FANK1: variants seen among roughly 807,000 people sequenced by gnomAD.
The protein encoded by FANK1 is fibronectin type 3 and ankyrin repeat domains protein 1.
Under a neutral mutation model 45.3 loss-of-function variants are expected in FANK1, and 44 were observed. The ratio of observed to expected loss-of-function variants is 0.97; its 90% CI spans 0.76 to 1.25. The LOEUF (loss-of-function observed/expected upper bound fraction) is 1.25, where lower values mean the gene tolerates loss of function less well. FANK1 is among the 50% of genes most tolerant of loss of function. The probability of loss-of-function intolerance (pLI) is 0.00; values close to 1 mark genes in which losing one functional copy is unlikely to be tolerated. For missense variants in FANK1, 391 were observed against 424.4 expected, an observed-to-expected ratio of 0.92 and a Z score of 0.69; for synonymous variants, 149 against 152.5, an observed-to-expected ratio of 0.98 and a Z score of 0.17.
intron 1 of FANK1, among the ~76,000 whole-genome samples, chr10:125,930,395 G>A (rs983490679): frequency 3.3e-5 from 5 of 151,966 alleles, no homozygotes; most frequent in Non-Finnish European, 7.4e-5. Flanking sequence ...GGAGTGCAGT[G>A]GCATGATCAT....
At chr10:125,991,655 G>A (rs922934068) in intron 3 of FANK1, among the ~76,000 whole-genome samples, 12 of 152,054 alleles carry the variant, frequency 7.9e-5, no homozygotes, top group African/African-American at 2.9e-4. Context: ...TTCCCCCCAG[G>A]TAAAGTACAC....
At chr10:125,967,455 A>T (rs570650692) in intron 1 of FANK1, among the ~76,000 whole-genome samples, 31 of 152,360 alleles carry the variant, frequency 2.0e-4, no homozygotes, top group Non-Finnish European at 4.0e-4. Flanking sequence ...AAACTTAGCT[A>T]TTAAATAACC....
intron 1 of FANK1, among the ~76,000 whole-genome samples, chr10:125,898,306 T>C (rs1046153853): frequency 5.3e-5 from 8 of 152,230 alleles, no homozygotes; most frequent in African/African-American, 1.7e-4. Flanking sequence ...GTGCCTGTTA[T>C]GTTGCAGCTC....
intron 1 of FANK1, among the ~76,000 whole-genome samples, chr10:125,937,761 CA>C (rs1466480390): frequency 6.6e-6 from 1 of 151,818 alleles, no homozygotes; most frequent in Non-Finnish European, 1.5e-5. Flanking sequence ...AAAAAATAAG[CA>C]AAAGGATAAA....
intron 1 of FANK1, among the ~76,000 whole-genome samples, chr10:125,918,077 C>T (rs1345979605): frequency 7.4e-6 from 1 of 135,174 alleles, no homozygotes; most frequent in Non-Finnish European, 1.6e-5. Context: ...GAGACCCTGT[C>T]AGAAAAAAGA....
At chr10:125,974,630 C>G (rs1401249444) in intron 1 of FANK1, among the ~76,000 whole-genome samples, 1 of 152,174 alleles carries the variant, frequency 6.6e-6, no homozygotes, top group Non-Finnish European at 1.5e-5. Flanking sequence ...TTTTTCTTTG[C>G]ACCTTGATTT....
chr10:125,924,107 C>G (rs1947145984), intron 1 of FANK1, among the ~76,000 whole-genome samples: 1 of 152,084 alleles, frequency 6.6e-6, no homozygotes, highest in Admixed American at 6.6e-5. Flanking sequence ...CAGAATGAGA[C>G]CCTATCTGAA....
At chr10:125,954,400 C>T (rs1019150190) in intron 1 of FANK1, among the ~76,000 whole-genome samples, 6 of 152,148 alleles carry the variant, frequency 3.9e-5, no homozygotes, top group Admixed American at 2.6e-4. Flanking sequence ...TTGTAGATCC[C>T]AAACACTTGG....
chr10:125,906,934 A>G (rs1945574880), intron 1 of FANK1, among the ~76,000 whole-genome samples: 1 of 152,210 alleles, frequency 6.6e-6, no homozygotes, highest in Non-Finnish European at 1.5e-5. Context: ...AGGTACAAAG[A>G]GTGCCTGAAT....
rs956350258 is a variant in FANK1, at chr10:125,934,428, G to C, written c.13+37773G>C. On this transcript the variant is annotated intron_variant, in intron 1 of 10. Coordinates refer to ENST00000368693, the MANE Select transcript of FANK1 (RefSeq NM_145235.5). ...GCACTGGCTGAGGGCTGAGCTGAGCGTGGCTCCAAGGGAATCCAGCCTTGG... is the reference window on the plus strand; with the variant it reads ...GCACTGGCTGAGGGCTGAGCTGAGCCTGGCTCCAAGGGAATCCAGCCTTGG... Among the ~76,000 whole-genome samples, 3 of 152,070 alleles carry C rather than the reference G, an allele frequency of 2.0e-5. No homozygotes were observed. The South Asian group carries it at 6.2e-4, about 32-fold the overall frequency.
chr10:125,971,814 G>A (rs1430367557), intron 1 of FANK1, among the ~76,000 whole-genome samples: 4 of 152,044 alleles, frequency 2.6e-5, no homozygotes, highest in East Asian at 1.9e-4. Flanking sequence ...AGTAGAGACA[G>A]GGTTTCACCA....
intron 1 of FANK1, among the ~76,000 whole-genome samples, chr10:125,938,066 A>G (rs1483498376): frequency 6.6e-6 from 1 of 152,200 alleles, no homozygotes; most frequent in Non-Finnish European, 1.5e-5. Flanking sequence ...TTATTGGTAT[A>G]TATATTCTAA....
At chr10:126,002,782 T>TC (rs1952869407) in intron 6 of FANK1, among the ~76,000 whole-genome samples, 1 of 151,230 alleles carries the variant, frequency 6.6e-6, no homozygotes, top group Non-Finnish European at 1.5e-5. Context: ...TTTTTTTTTT[T>TC]TCATTCTTGC....
chr10:125,967,441 G>C (rs1950253415), intron 1 of FANK1, among the ~76,000 whole-genome samples: 1 of 152,180 alleles, frequency 6.6e-6, no homozygotes, highest in Non-Finnish European at 1.5e-5. Context: ...ACAAAGTCTT[G>C]TGAAAACTTA....
At chr10:125,921,614 G>A (rs1946951237) in intron 1 of FANK1, among the ~76,000 whole-genome samples, 1 of 152,112 alleles carries the variant, frequency 6.6e-6, no homozygotes, top group Non-Finnish European at 1.5e-5. Context: ...CCAAAGTGCT[G>A]TGCCACTTCT....
intron 1 of FANK1, among the ~76,000 whole-genome samples, chr10:125,918,585 AATATATAT>A (rs1197525883): frequency 6.9e-4 from 49 of 70,962 alleles, no homozygotes; most frequent in African/African-American, 1.4e-3. Flanking sequence ...AAAAAAAAAA[AATATATAT>A]ATATATATAT....
rs73370533 is a variant in FANK1 at position 125,984,553 on chromosome 10, G to C, written c.192-3998G>C. The stretch of plus-strand genomic sequence containing the variant: ...TGGAGTAGATGCTCAGTTTGAAACT[G>C]TCTGACGTCCAAGCCGAGATGTCAG... On this transcript the variant is annotated intron_variant, in intron 2 of 10. Coordinates refer to ENST00000368693, the MANE Select transcript of FANK1 (RefSeq NM_145235.5). Among the ~76,000 whole-genome samples the C allele has an allele frequency of 4.9e-3, 744 of 152,228 alleles. 7 individuals carry two copies. The highest frequency in any genetic ancestry group is 0.016 in the African/African-American group (678 of 41,534).
chr10:125,940,035 A>G (rs1302730364), intron 1 of FANK1, among the ~76,000 whole-genome samples: 1 of 151,724 alleles, frequency 6.6e-6, no homozygotes, highest in Non-Finnish European at 1.5e-5. Flanking sequence ...ATCTTAATCC[A>G]TTTAAATGTG....
At chr10:125,937,359 CTT>C in intron 1 of FANK1, among the ~76,000 whole-genome samples, 1 of 152,252 alleles carries the variant, frequency 6.6e-6, no homozygotes, top group South Asian at 2.1e-4. Flanking sequence ...TAATTTTAGA[CTT>C]TGTAGTACCT....
Sources: allele counts gnomAD v4.1 joint callset (sites outside exome capture counted in the v4.1 genomes callset), GRCh38; gene constraint gnomAD v4.1.1; transcripts MANE v1.5; gene names NCBI Gene and HGNC (gene_info 2026-07-23, HGNC 2026-07-21).